Variants in PCDHGB4 observed in about 807,000 individuals in gnomAD.
The protein encoded by PCDHGB4 is protocadherin gamma-B4.
In PCDHGB4, 38 loss-of-function variants were observed where a neutral mutation model predicts 60.5. The ratio of observed to expected loss-of-function variants is 0.63; its 90% CI spans 0.48 to 0.82. PCDHGB4 has a LOEUF of 0.82. PCDHGB4 is among the 40% of genes least tolerant of loss of function. The pLI, the probability that PCDHGB4 is intolerant of heterozygous loss-of-function variation, is 0.00. For synonymous variants in PCDHGB4, 456 were observed against 509.7 expected, an observed-to-expected ratio of 0.89 and a Z score of 1.42; for missense variants, 1,109 against 1,209.6, an observed-to-expected ratio of 0.92 and a Z score of 1.23.
chr5:141,444,897 G>T (rs1445334623), intron 1 of PCDHGB4, among the ~76,000 whole-genome samples: 1 of 152,274 alleles, frequency 6.6e-6, no homozygotes, highest in African/African-American at 2.4e-5. Flanking sequence ...GAATGGGATG[G>T]CATTGCATCT....
intron 1 of PCDHGB4, chr5:141,391,580 C>A (rs1392857666): frequency 3.3e-5 from 5 of 152,116 alleles, no homozygotes; most frequent in South Asian, 2.1e-4. Flanking sequence ...AATATATTCA[C>A]AGGAAAATAT....
In PCDHGB4 at chr5:141,389,244, T is replaced by C; in HGVS notation, c.1360T>C (p.Ser454Pro). The change falls in exon 1 of 4, where the codon TCC becomes CCC. Residue 454 changes from serine (S) to proline (P), a missense_variant. Physicochemically the swap from Ser to Pro is moderately conservative, Grantham distance 74. Around this residue, in one of 2 missense-constraint regions of PCDHGB4, gnomAD observed 1,068 missense variants for 1,089.9 expected, o/e 0.98. Transcript: ENST00000519479. ...NDNAPVFSQS[S>P]YIVHVAENNP... ...CAACGCTCCGGTTTTCTCACAGTCT[T>C]CCTATATAGTCCACGTGGCCGAGAA... The C allele has an allele frequency of 6.2e-7, 1 of 1,614,036 alleles. No individual in the cohort carries two copies. The highest frequency in any genetic ancestry group is 8.5e-7 in the Non-Finnish European group (1 of 1,179,902).
intron 1 of PCDHGB4, chr5:141,400,231 G>C: frequency 6.2e-7 from 1 of 1,613,988 alleles, no homozygotes; most frequent in South Asian, 1.1e-5. Context: ...CTTCCTCCTG[G>C]CCGTGATTCT....
In PCDHGB4 at chr5:141,485,216, G is replaced by C. The variant is rs757059807; in HGVS notation, c.2398-9591G>C. On this transcript the variant is annotated intron_variant, in intron 1 of 3. Transcript: ENST00000519479. The surrounding 1 kb of genome is among the most constrained non-coding windows in gnomAD (Gnocchi z 5.7). ...AAGCTGGACAGAAATCTGGCGGTGG[G>C]CTACCCTTTTGTTCCTCTTTTACCA... 2.5e-6 allele frequency: 4 copies of C among 1,614,144 alleles called. No homozygotes were observed. In the South Asian group the frequency reaches 4.4e-5, roughly 18 times the overall value.
chr5:141,483,887 C>G (rs147069309), intron 1 of PCDHGB4, among the ~76,000 whole-genome samples: 13 of 152,036 alleles, frequency 8.6e-5, no homozygotes, highest in Non-Finnish European at 1.2e-4. Context: ...TTTTCTATTT[C>G]TCTGAGCTCT....
At position 141,390,064 on chromosome 5, in the gene PCDHGB4, C is replaced by A; in HGVS notation, c.2180C>A (p.Pro727His). 1.9e-6 allele frequency: 3 copies of A among 1,614,058 alleles called. No individual in the cohort carries two copies. Among genetic ancestry groups the A allele is most frequent in the Middle Eastern group, 3.3e-4 (2 of 6,062 alleles). ...CCCGCCTCCTGGAGCTGCTTCCAGC[C>A]TGGTCTCTGTGTTAAATCCGAATCC... ...SSPASWSCFQPGLCVKSESVV... is the reference protein window; with the variant it reads ...SSPASWSCFQHGLCVKSESVV... Residue 727 changes from proline (P) to histidine (H), a missense_variant, in exon 1 of 4, where the codon CCT becomes CAT. Pro to His is a moderately conservative substitution (Grantham distance 77). Coordinates refer to ENST00000519479, the MANE Select transcript of PCDHGB4 (RefSeq NM_003736.4).
intron 1 of PCDHGB4, among the ~76,000 whole-genome samples, chr5:141,467,790 C>T (rs1321576171): frequency 6.6e-6 from 1 of 152,118 alleles, no homozygotes; most frequent in Non-Finnish European, 1.5e-5. Context: ...TCTCAAGTAG[C>T]TGGGACTACA....
chr5:141,492,691 C>G (rs2099743102), intron 1 of PCDHGB4, among the ~76,000 whole-genome samples: 1 of 152,274 alleles, frequency 6.6e-6, no homozygotes, highest in South Asian at 2.1e-4. Flanking sequence ...TCGGCGACCC[C>G]TCAACCCAGA....
chr5:141,392,878 C>G, intron 1 of PCDHGB4: 2 of 1,613,474 alleles, frequency 1.2e-6, no homozygotes, highest in Non-Finnish European at 1.7e-6. Context: ...CTGCTGGGAA[C>G]GCTGTGGGAA....
rs138831045 is a variant in PCDHGB4 at position 141,462,238 on chromosome 5, G to A, written c.2398-32569G>A. Among the ~76,000 whole-genome samples the A allele has an allele frequency of 2.9e-3, 441 of 152,288 alleles. 3 individuals carry two copies. Among genetic ancestry groups the A allele is most frequent in the African/African-American group, 9.9e-3 (412 of 41,566 alleles). On this transcript the variant is annotated intron_variant, in intron 1 of 3. Coordinates refer to ENST00000519479, the MANE Select transcript of PCDHGB4 (RefSeq NM_003736.4). ...GCCTCCCAAAGTGCAGGGATTACAG[G>A]TATGAGCCACCATGACCAGCCTAAA...
At chr5:141,437,903 A>G (rs1591482477) in intron 1 of PCDHGB4, among the ~76,000 whole-genome samples, 1 of 152,064 alleles carries the variant, frequency 6.6e-6, no homozygotes, top group East Asian at 1.9e-4. Context: ...ACACCCAGCT[A>G]ATTTTTGTAT....
chr5:141,494,677 TGCCCCCTCTTA>T, intron 1 of PCDHGB4, 119 bp from the exon 2 acceptor site: 5 of 1,552,906 alleles, frequency 3.2e-6, no homozygotes, highest in Non-Finnish European at 4.4e-6. Flanking sequence ...AGTCCACCCC[TGCCCCCTCTTA>T]GTCCGTTTTC....
In PCDHGB4 at chr5:141,389,712, A is replaced by G; in HGVS notation, c.1828A>G (p.Ser610Gly). The G allele has an allele frequency of 6.2e-7, 1 of 1,612,620 alleles. No homozygotes were observed. The highest frequency in any genetic ancestry group is 2.2e-5 in the East Asian group (1 of 44,858). The change falls in exon 1 of 4, where the codon AGC becomes GGC. Residue 610 changes from serine (S) to glycine (G), a missense_variant. Around this residue, in one of 2 missense-constraint regions of PCDHGB4, gnomAD observed 1,068 missense variants for 1,089.9 expected, o/e 0.98. Transcript: ENST00000519479. The stretch of plus-strand genomic sequence containing the variant: ...GCTGTCCTACCACGTGCTGCAGGCT[A>G]GCGAGCCCGGGCTCTTCAGCCTGGG... ...AWLSYHVLQASEPGLFSLGLR... is the reference protein window; with the variant it reads ...AWLSYHVLQAGEPGLFSLGLR...
rs2095763034 is a variant in PCDHGB4, at chr5:141,414,586, A to G, written c.2397+24305A>G. 1.2e-6 allele frequency: 2 copies of G among 1,613,964 alleles called. No individual in the cohort carries two copies. The highest frequency in any genetic ancestry group is 8.5e-7 in the Non-Finnish European group (1 of 1,179,880). On this transcript the variant is annotated intron_variant, in intron 1 of 3. Transcript: ENST00000519479. ...TACCTATATCCCAGAGAACAACGCC[A>G]GGGGTGCCTCCATCTTCTCAGTGAC...
At chr5:141,410,480 G>A in intron 1 of PCDHGB4, 1 of 1,613,966 alleles carries the variant, frequency 6.2e-7, no homozygotes, top group Non-Finnish European at 8.5e-7. Context: ...TGCACATACG[G>A]GTACAAAAGA....
At chr5:141,393,337 A>G (rs556749112) in intron 1 of PCDHGB4, 28 of 1,613,772 alleles carry the variant, frequency 1.7e-5, no homozygotes, top group African/African-American at 5.3e-5. Flanking sequence ...CTCAGCCCCA[A>G]TCACCACTTC....
intron 1 of PCDHGB4, among the ~76,000 whole-genome samples, chr5:141,453,095 G>T (rs1254113352): frequency 6.6e-6 from 1 of 151,962 alleles, no homozygotes; most frequent in African/African-American, 2.4e-5. Flanking sequence ...TATATTTTCT[G>T]TTGCTTTTTT....
chr5:141,399,528 C>T (rs749580875), intron 1 of PCDHGB4: 10 of 1,613,928 alleles, frequency 6.2e-6, no homozygotes, highest in Non-Finnish European at 7.6e-6. Context: ...GGGCCTCCAT[C>T]GCGCAAGTCT....
At position 141,477,748 on chromosome 5, in the gene PCDHGB4, C is replaced by T; in HGVS notation, c.2398-17059C>T. ...CAGCTCATATCAGCGATGGGGGCAC[C>T]CCGGTCCTAGCCACCAACATCAGCG... On this transcript the variant is annotated intron_variant, in intron 1 of 3. Transcript: ENST00000519479. The surrounding 1 kb of genome is among the most constrained non-coding windows in gnomAD (Gnocchi z 4.9). 6.2e-7 allele frequency: 1 copy of T among 1,613,872 alleles called. No homozygotes were observed. The highest frequency in any genetic ancestry group is 1.1e-5 in the South Asian group (1 of 91,080).
Sources: allele counts gnomAD v4.1 joint callset (sites outside exome capture counted in the v4.1 genomes callset), GRCh38; gene constraint gnomAD v4.1.1; regional missense constraint gnomAD v4.1.1; non-coding constraint Gnocchi (gnomAD v3.1); transcripts MANE v1.5; gene names NCBI Gene and HGNC (gene_info 2026-07-23, HGNC 2026-07-21).